TOR3A: variants seen among roughly 807,000 people sequenced by gnomAD.
TOR3A encodes torsin-3A.
TOR3A carries 44 observed loss-of-function variants against 42.1 expected under a neutral mutation model. That is an observed-to-expected ratio of 1.04 (90% CI 0.82 to 1.34). The LOEUF is 1.34. Ranked by LOEUF, TOR3A falls within the 40% of genes most tolerant of loss-of-function variation. TOR3A has a pLI of 0.00. For missense variants in TOR3A, 521 were observed against 507.6 expected, an observed-to-expected ratio of 1.03 and a Z score of -0.25; for synonymous variants, 227 against 213.2, an observed-to-expected ratio of 1.06 and a Z score of -0.57.
intron 3 of TOR3A, among the ~76,000 whole-genome samples, chr1:179,087,401 G>A (rs1652461341): frequency 6.6e-6 from 1 of 152,166 alleles, no homozygotes; most frequent in South Asian, 2.1e-4. Context: ...GCTGCCTCTG[G>A]GCACATGAGC....
intron 2 of TOR3A, among the ~76,000 whole-genome samples, chr1:179,085,010 C>T (rs1044505076): frequency 1.3e-5 from 2 of 152,236 alleles, no homozygotes; most frequent in African/African-American, 4.8e-5. Flanking sequence ...AGCCTCAGGA[C>T]ATGGGGGACA....
chr1:179,088,243 C>A, intron 4 of TOR3A, 154 bp downstream of exon 4: 1 of 839,106 alleles, frequency 1.2e-6, no homozygotes, highest in Non-Finnish European at 1.7e-6. Flanking sequence ...TGTGGTAGCT[C>A]ACGCCTGTAA....
chr1:179,084,832 C>T (rs1249681601), intron 2 of TOR3A, among the ~76,000 whole-genome samples: 1 of 152,216 alleles, frequency 6.6e-6, no homozygotes, highest in East Asian at 1.9e-4. Flanking sequence ...CTCCTGGTAG[C>T]GCCATCTCCA....
At position 179,082,280 on chromosome 1, in the gene TOR3A, A is replaced by G; in HGVS notation, c.152A>G (p.Gln51Arg). ...AWPGFQRLQE[Q>R]LRAAGALSKR... ...CCGGGCTTCCAGCGCCTGCAGGAGC[A>G]GCTCAGGGCGGCGGGTGCCCTCTCC... The change falls in exon 1 of 6, where the codon CAG (glutamine) becomes CGG (arginine). Residue 51 changes from glutamine (Q) to arginine (R), a missense_variant. Coordinates refer to ENST00000367627, the MANE Select transcript of TOR3A (RefSeq NM_022371.4). 3 of 1,572,294 alleles carry G rather than the reference A, an allele frequency of 1.9e-6. No homozygotes were observed. The highest frequency in any genetic ancestry group is 2.6e-6 in the Non-Finnish European group (3 of 1,165,162).
In TOR3A at chr1:179,095,318, T is replaced by A. The variant is rs1379861822; in HGVS notation, c.*100T>A. ...TGGGACTGTGAGGTGTTTGAGGGTG[T>A]GGACTGGCATCCAGCAGCCACTAAC... On this transcript the variant is annotated 3_prime_UTR_variant, in exon 6 of 6. Coordinates refer to ENST00000367627, the MANE Select transcript of TOR3A (RefSeq NM_022371.4). 1 of 1,548,242 alleles carries A rather than the reference T, an allele frequency of 6.5e-7. No homozygotes were observed. Among genetic ancestry groups the A allele is most frequent in the Non-Finnish European group, 8.7e-7 (1 of 1,151,858 alleles).
chr1:179,085,099 T>A (rs1652393221), intron 2 of TOR3A, among the ~76,000 whole-genome samples: 1 of 152,208 alleles, frequency 6.6e-6, no homozygotes, highest in Non-Finnish European at 1.5e-5. Context: ...CCACTCTCCC[T>A]GAGTCCCATC....
At chr1:179,094,340 C>T (rs1159708264) in intron 5 of TOR3A, 123 bp downstream of exon 5, 2 of 1,253,364 alleles carry the variant, frequency 1.6e-6, no homozygotes, top group Non-Finnish European at 2.1e-6. Flanking sequence ...AGACTATAAT[C>T]ATCTCACATT....
At chr1:179,088,242 T>A in intron 4 of TOR3A, 153 bp downstream of exon 4, 1 of 844,564 alleles carries the variant, frequency 1.2e-6, no homozygotes, top group South Asian at 2.4e-5. Context: ...CTGTGGTAGC[T>A]CACGCCTGTA....
At position 179,095,517 on chromosome 1, in the gene TOR3A, T is replaced by C. The variant is rs547412119; in HGVS notation, c.*299T>C. The C allele has an allele frequency of 2.1e-5, 26 of 1,232,090 alleles. No individual in the cohort carries two copies. In the African/African-American group the frequency reaches 3.7e-4, roughly 17 times the overall value. The allele number at this position is 1,232,090 out of a possible 1,614,324, so 76.3% of individuals were successfully genotyped here. On this transcript the variant is annotated 3_prime_UTR_variant, in exon 6 of 6. Coordinates refer to ENST00000367627, the MANE Select transcript of TOR3A (RefSeq NM_022371.4). The stretch of plus-strand genomic sequence containing the variant: ...TAAAGACACGCATTCCAAAGTGGAA[T>C]GTGGTTGAAGAAAGTGGGCCAGGTG...
chr1:179,095,593 C>T lies in TOR3A; in HGVS notation c.*375C>T, dbSNP rs1173823131. 1 of 1,104,796 alleles carries T rather than the reference C, an allele frequency of 9.1e-7. No individual in the cohort carries two copies. The highest frequency in any genetic ancestry group is 1.6e-5 in the African/African-American group (1 of 60,940). 68.4% of individuals were successfully genotyped at this position (1,104,796 alleles called of 1,614,324 possible). A position where few individuals can be genotyped will look rare whatever the true frequency, so the allele number is the denominator to read the frequency against. On this transcript the variant is annotated 3_prime_UTR_variant, in exon 6 of 6. Coordinates refer to ENST00000367627, the MANE Select transcript of TOR3A (RefSeq NM_022371.4). The stretch of plus-strand genomic sequence containing the variant: ...AGCAAATCCCAAGGGCTTATTATGA[C>T]ACTCCAGATGGTCTCCTTAGCATCT...
At position 179,082,931 on chromosome 1, in the gene TOR3A, CT is replaced by C; in HGVS notation, c.260-5del. 1 of 1,552,760 alleles carries C rather than the reference CT, an allele frequency of 6.4e-7. No individual in the cohort carries two copies. The highest frequency in any genetic ancestry group is 8.7e-7 in the Non-Finnish European group (1 of 1,147,442). ...TCTCCTCTCGGTCTCACAGCTCCTC[CT>C]TTTCCAGGCTGGCGCCTTCCTCTGT... On this transcript the variant is annotated splice_polypyrimidine_tract_variant and splice_region_variant and intron_variant, in intron 1 of 5. Coordinates refer to ENST00000367627, the MANE Select transcript of TOR3A (RefSeq NM_022371.4).
At chr1:179,086,219 A>T (rs1213939195) in intron 3 of TOR3A, among the ~76,000 whole-genome samples, 1 of 152,234 alleles carries the variant, frequency 6.6e-6, no homozygotes, top group Admixed American at 6.5e-5. Context: ...AGAGAAAAGC[A>T]AAAACTGTCA....
At position 179,095,711 on chromosome 1, in the gene TOR3A, CA is replaced by C; in HGVS notation, c.*494del. On this transcript the variant is annotated 3_prime_UTR_variant, in exon 6 of 6. Transcript: ENST00000367627. ...CCGGGGAGAACGAAGTTCTGTGACCCAGGGGTGGAGAATACACTCTAGGTTT... is the reference window on the plus strand; with the variant it reads ...CCGGGGAGAACGAAGTTCTGTGACCCGGGGTGGAGAATACACTCTAGGTTT... 1.0e-6 allele frequency: 1 copy of C among 994,616 alleles called. No individual in the cohort carries two copies. The highest frequency in any genetic ancestry group is 1.2e-6 in the Non-Finnish European group (1 of 835,570). 61.6% of individuals were successfully genotyped at this position (994,616 alleles called of 1,614,324 possible). A position where few individuals can be genotyped will look rare whatever the true frequency, so the allele number is the denominator to read the frequency against.
Position 179,085,818 on chromosome 1 carries a change from G to A in TOR3A, c.564G>A (p.Gly188=). 6.2e-7 allele frequency: 1 copy of A among 1,614,172 alleles called. No homozygotes were observed. The highest frequency in any genetic ancestry group is 8.5e-7 in the Non-Finnish European group (1 of 1,180,042). The change falls in exon 3 of 6, where the codon GGG becomes GGA. Residue 188 remains glycine, a synonymous_variant. Coordinates refer to ENST00000367627, the MANE Select transcript of TOR3A (RefSeq NM_022371.4). ...RMLVENLYRD[G]LMSDCVRMFI... ...TGGTGGAGAACCTGTATCGGGACGG[G>A]CTGATGAGTGACTGTGTCAGGATGT...
At chr1:179,093,670 G>A (rs1399728029) in intron 4 of TOR3A, among the ~76,000 whole-genome samples, 1 of 152,158 alleles carries the variant, frequency 6.6e-6, no homozygotes, top group Admixed American at 6.6e-5. Flanking sequence ...AGTGTCTGAT[G>A]ATCACTACTT....
At position 179,094,125 on chromosome 1, in the gene TOR3A, T is replaced by C. The variant is rs1652670325; in HGVS notation, c.851T>C (p.Val284Ala). The C allele has an allele frequency of 6.2e-7, 1 of 1,614,034 alleles. No individual in the cohort carries two copies. Among genetic ancestry groups the C allele is most frequent in the East Asian group, 2.2e-5 (1 of 44,874 alleles). ...NLRGDIINEV[V>A]LKLLKAGWSR... ...AGGGGCGATATAATCAATGAGGTGG[T>C]CCTAAAGTTGCTCAAGGCTGGATGG... The change falls in exon 5 of 6, where the codon GTC becomes GCC. Residue 284 changes from valine (V) to alanine (A), a missense_variant. By Grantham distance (64) the Val-to-Ala change is moderately conservative. Transcript: ENST00000367627.
At chr1:179,082,519 G>T (rs1278359859) in intron 1 of TOR3A, 132 bp downstream of exon 1, 1 of 1,344,006 alleles carries the variant, frequency 7.4e-7, no homozygotes, top group Non-Finnish European at 1.0e-6. Context: ...CGCCGGTACC[G>T]GCTGTGGGCG....
chr1:179,094,079 C>A lies in TOR3A; in HGVS notation c.819-14C>A. ...ATATAAACAAATGGGTTAACAAGCT[C>A]TTGTCTCTTTCAGTAATCTCAGGGG... On this transcript the variant is annotated splice_polypyrimidine_tract_variant and intron_variant, in intron 4 of 5. Transcript: ENST00000367627. 6.2e-7 allele frequency: 1 copy of A among 1,610,462 alleles called. No homozygotes were observed. Among genetic ancestry groups the A allele is most frequent in the South Asian group, 1.1e-5 (1 of 90,286 alleles).
intron 2 of TOR3A, among the ~76,000 whole-genome samples, chr1:179,084,715 G>C (rs1325385390): frequency 6.6e-6 from 1 of 152,194 alleles, no homozygotes; most frequent in African/African-American, 2.4e-5. Context: ...ACCTCCCAAG[G>C]CTCCAGAATA....
Sources: allele counts gnomAD v4.1 joint callset (sites outside exome capture counted in the v4.1 genomes callset), GRCh38; gene constraint gnomAD v4.1.1; transcripts MANE v1.5; gene names NCBI Gene and HGNC (gene_info 2026-07-23, HGNC 2026-07-21).